Variants in LRRTM4 observed in about 807,000 individuals in gnomAD.
LRRTM4 encodes the protein leucine rich repeat transmembrane neuronal 4.
Under a neutral mutation model 47.6 loss-of-function variants are expected in LRRTM4, and 25 were observed. That is an observed-to-expected ratio of 0.53 (90% CI 0.38 to 0.73). The LOEUF (loss-of-function observed/expected upper bound fraction) is 0.73, where lower values mean the gene tolerates loss of function less well. Among genes scored for constraint, LRRTM4 ranks in the 30% least tolerant of loss-of-function variants. The probability of loss-of-function intolerance (pLI) is 0.00; values close to 1 mark genes in which losing one functional copy is unlikely to be tolerated. For missense variants in LRRTM4, 638 were observed against 713.4 expected (o/e 0.89, Z 1.20); for synonymous variants, 311 against 269.5 (o/e 1.15, Z -1.51).
At chr2:77,058,601 C>T (rs1573512314) in intron 3 of LRRTM4, among the ~76,000 whole-genome samples, 1 of 143,284 alleles carries the variant, frequency 7.0e-6, no homozygotes, top group African/African-American at 3.0e-5. Flanking sequence ...ATCTCATAAT[C>T]ATCATTGTAT....
chr2:76,889,129 A>G (rs1190516991), intron 3 of LRRTM4, among the ~76,000 whole-genome samples: 2 of 151,828 alleles, frequency 1.3e-5, no homozygotes, highest in African/African-American at 4.8e-5. Flanking sequence ...GTATTTTTTC[A>G]TGGAGGAAAC....
intron 3 of LRRTM4, among the ~76,000 whole-genome samples, chr2:76,793,583 C>A (rs565218823): frequency 1.6e-5 from 2 of 127,538 alleles, no homozygotes; most frequent in Admixed American, 8.6e-5. Context: ...GTAGAACTTT[C>A]TCCTCTTCAC....
At chr2:77,481,174 AC>A (rs1441275942) in intron 3 of LRRTM4, among the ~76,000 whole-genome samples, 1 of 152,072 alleles carries the variant, frequency 6.6e-6, no homozygotes, top group Non-Finnish European at 1.5e-5. Context: ...TCTGTACCAA[AC>A]TTTTTTCTAA....
At chr2:77,216,201 T>C (rs1433294148) in intron 3 of LRRTM4, among the ~76,000 whole-genome samples, 2 of 152,200 alleles carry the variant, frequency 1.3e-5, no homozygotes, top group East Asian at 1.9e-4. Context: ...AGGTGAAATA[T>C]ACTTGACACC....
intron 3 of LRRTM4, among the ~76,000 whole-genome samples, chr2:77,284,852 T>C (rs938102536): frequency 6.6e-6 from 1 of 152,080 alleles, no homozygotes; most frequent in Admixed American, 6.6e-5. Flanking sequence ...AGTCTGCTTA[T>C]CTACTGCTAA....
chr2:77,318,070 G>A (rs531671027), intron 3 of LRRTM4, among the ~76,000 whole-genome samples: 16 of 139,176 alleles, frequency 1.1e-4, no homozygotes, highest in African/African-American at 4.1e-4. Context: ...GCAGTGGCGC[G>A]ATCTTGGCTC....
At chr2:76,897,376 C>A (rs910330708) in intron 3 of LRRTM4, among the ~76,000 whole-genome samples, 1 of 152,064 alleles carries the variant, frequency 6.6e-6, no homozygotes, top group African/African-American at 2.4e-5. Context: ...TAAGGGACAG[C>A]TATTTTTATT....
intron 3 of LRRTM4, among the ~76,000 whole-genome samples, chr2:77,410,766 A>G (rs930518927): frequency 1.3e-5 from 2 of 152,222 alleles, no homozygotes; most frequent in Non-Finnish European, 2.9e-5. Context: ...TTAAAATCAC[A>G]TCCTAAGCTC....
intron 3 of LRRTM4, among the ~76,000 whole-genome samples, chr2:77,080,630 A>G (rs965372301): frequency 6.7e-6 from 1 of 150,046 alleles, no homozygotes; most frequent in Non-Finnish European, 1.5e-5. Context: ...TAAACACTTT[A>G]AAGTCATCCT....
intron 3 of LRRTM4, among the ~76,000 whole-genome samples, chr2:76,897,841 G>A (rs148690541): frequency 0.01 from 1,595 of 152,134 alleles, 15 homozygotes; most frequent in Non-Finnish European, 0.017. Flanking sequence ...ATTCCTGCCT[G>A]GCCAATTAAT....
chr2:77,244,681 T>G (rs2103998241), intron 3 of LRRTM4, among the ~76,000 whole-genome samples: 1 of 152,184 alleles, frequency 6.6e-6, no homozygotes, highest in South Asian at 2.1e-4. Flanking sequence ...GTGGCAAAAG[T>G]TATGGAAAAT....
chr2:76,844,338 T>C (rs1292578863), intron 3 of LRRTM4, among the ~76,000 whole-genome samples: 1 of 152,120 alleles, frequency 6.6e-6, no homozygotes, highest in Non-Finnish European at 1.5e-5. Context: ...GGTTTCACCA[T>C]GTCGGCCAGG....
intron 3 of LRRTM4, among the ~76,000 whole-genome samples, chr2:77,159,088 T>A (rs114564391): frequency 2.6e-5 from 4 of 152,316 alleles, no homozygotes; most frequent in African/African-American, 9.6e-5. Context: ...TTTTTCTACA[T>A]GAACCGTTCA....
rs376855800 is a variant in LRRTM4, at chr2:77,225,144, A to T, written c.1551+293174T>A. ...AAGCAAACACCGCATGTTCTCACTC[A>T]TAGGTGGGAATTGAACAATAAGAAC... On this transcript the variant is annotated intron_variant, in intron 3 of 3. Coordinates refer to ENST00000409884, the MANE Select transcript of LRRTM4 (RefSeq NM_001134745.3). Among the ~76,000 whole-genome samples the T allele has an allele frequency of 4.8e-5, 7 of 146,632 alleles. No individual in the cohort carries two copies. The East Asian group carries it at 1.3e-3, about 26-fold the overall frequency.
intron 3 of LRRTM4, among the ~76,000 whole-genome samples, chr2:77,106,090 G>T (rs1671085582): frequency 6.6e-6 from 1 of 152,144 alleles, no homozygotes; most frequent in South Asian, 2.1e-4. Context: ...TCAGCAGGCT[G>T]CCTTCTTTTG....
At chr2:77,401,863 T>C (rs1417979980) in intron 3 of LRRTM4, among the ~76,000 whole-genome samples, 3 of 152,022 alleles carry the variant, frequency 2.0e-5, no homozygotes, top group African/African-American at 7.2e-5. Context: ...ATTTGAGCTA[T>C]AATGCTAGAA....
At chr2:77,488,303 G>A (rs1032292891) in intron 3 of LRRTM4, among the ~76,000 whole-genome samples, 1 of 152,188 alleles carries the variant, frequency 6.6e-6, no homozygotes, top group African/African-American at 2.4e-5. Context: ...ACCCATGCCA[G>A]CACCTGGAGC....
At chr2:77,467,723 T>G (rs1181585196) in intron 3 of LRRTM4, among the ~76,000 whole-genome samples, 3 of 152,212 alleles carry the variant, frequency 2.0e-5, no homozygotes, top group Non-Finnish European at 2.9e-5. Flanking sequence ...AGTTACATTT[T>G]GTTTTAAAAA....
intron 3 of LRRTM4, among the ~76,000 whole-genome samples, chr2:77,229,734 G>A (rs1220940910): frequency 6.6e-6 from 1 of 152,072 alleles, no homozygotes; most frequent in African/African-American, 2.4e-5. Context: ...TCTCTTCCTG[G>A]AATATCTCAA....
Sources: allele counts gnomAD v4.1 joint callset (sites outside exome capture counted in the v4.1 genomes callset), GRCh38; gene constraint gnomAD v4.1.1; transcripts MANE v1.5; gene names NCBI Gene and HGNC (gene_info 2026-07-23, HGNC 2026-07-21).